The following NR2C2 variants were observed in gnomAD, a reference collection of about 807,000 sequenced individuals.
The protein encoded by NR2C2 is Nuclear hormone receptor TR4.
A neutral mutation model predicts 62.9 loss-of-function variants in NR2C2; 6 were observed. The observed-to-expected ratio is 0.10, with a 90% CI of 0.05 to 0.19. The LOEUF (loss-of-function observed/expected upper bound fraction) is 0.19, where lower values mean the gene tolerates loss of function less well. Among genes scored for constraint, NR2C2 ranks in the 10% least tolerant of loss-of-function variants. The pLI is 1.00. For missense variants in NR2C2, 479 were observed against 762.7 expected, an observed-to-expected ratio of 0.63 and a Z score of 4.38; for synonymous variants, 272 against 273.8, an observed-to-expected ratio of 0.99 and a Z score of 0.07.
chr3:14,961,319 ATACCT>A (rs1261981489), intron 1 of NR2C2, among the ~76,000 whole-genome samples: 1 of 152,242 alleles, frequency 6.6e-6, no homozygotes, highest in Non-Finnish European at 1.5e-5. Context: ...AGTGATTATA[ATACCT>A]TAGATAGGAA....
At chr3:15,033,664 TA>T (rs1553573291) in intron 10 of NR2C2, among the ~76,000 whole-genome samples, 16 of 145,346 alleles carry the variant, frequency 1.1e-4, no homozygotes, top group South Asian at 4.3e-4. Context: ...TTTTTTTTTT[TA>T]AATAACACCA....
At chr3:15,022,813 C>T (rs1025149069) in intron 5 of NR2C2, among the ~76,000 whole-genome samples, 1 of 152,082 alleles carries the variant, frequency 6.6e-6, no homozygotes, top group African/African-American at 2.4e-5. Flanking sequence ...TTTGCTTGAG[C>T]CCAGGATGAG....
chr3:14,973,829 T>C (rs966675742), intron 1 of NR2C2, among the ~76,000 whole-genome samples: 1 of 152,190 alleles, frequency 6.6e-6, no homozygotes, highest in Non-Finnish European at 1.5e-5. Flanking sequence ...CTTAACCGTT[T>C]TTAAGTACGG....
intron 1 of NR2C2, among the ~76,000 whole-genome samples, chr3:14,974,059 A>G (rs1197549354): frequency 6.6e-6 from 1 of 152,188 alleles, no homozygotes; most frequent in Non-Finnish European, 1.5e-5. Context: ...TCATCTTGCT[A>G]AAACTGAAAC....
rs1281329706 is a variant in NR2C2, at chr3:15,039,146, G to A, written c.1535G>A (p.Ser512Asn). 6.2e-7 allele frequency: 1 copy of A among 1,613,860 alleles called. No homozygotes were observed. Among genetic ancestry groups the A allele is most frequent in the Non-Finnish European group, 8.5e-7 (1 of 1,179,948 alleles). The change falls in exon 13 of 14, where the codon AGC (serine) becomes AAC (asparagine). Residue 512 changes from serine to asparagine, a missense_variant. This residue lies in a region of NR2C2 where 162 missense variants were observed against 296.8 expected (regional missense o/e 0.55). Coordinates refer to ENST00000425241, the MANE Select transcript of NR2C2 (RefSeq NM_001291694.2). Reference sequence around the variant, plus strand: ...GATCATCCAGGTTTGACCAGCACAAGCCAGATTGAAAAATTCCAAGAAAAG... The same window carrying A: ...GATCATCCAGGTTTGACCAGCACAAACCAGATTGAAAAATTCCAAGAAAAG... ...SPDHPGLTST[S>N]QIEKFQEKAQ...
rs1028595882 is a variant in NR2C2 at position 15,048,437 on chromosome 3, G to A, written c.*5429G>A. 12 of 152,536 alleles carry A rather than the reference G, an allele frequency of 7.9e-5. No individual in the cohort carries two copies. The highest frequency in any genetic ancestry group is 2.6e-4 in the Admixed American group (4 of 15,274). 9.4% of individuals were successfully genotyped at this position (152,536 alleles called of 1,614,324 possible). On this transcript the variant is annotated 3_prime_UTR_variant, in exon 14 of 14. Transcript: ENST00000425241. ...GTGAGCTTAAGAAAAGTATCTTTGC[G>A]GGGAGAAAAATGTCAGATATTTTTA... is the stretch of plus-strand genomic sequence containing the variant.
chr3:15,024,571 C>T lies in NR2C2; in HGVS notation c.798+363C>T, dbSNP rs983002435. Among the ~76,000 whole-genome samples, 33 of 152,268 alleles carry T rather than the reference C, an allele frequency of 2.2e-4. 4 individuals are homozygous for T. The highest frequency in any genetic ancestry group is 2.1e-3 in the South Asian group (10 of 4,828). ...GCCTTTTTGCAAAAGCCCCGGGTTC[C>T]TTTTTATTAGATGATCTTCAGGAGG... On this transcript the variant is annotated intron_variant, in intron 7 of 13. Coordinates refer to ENST00000425241, the MANE Select transcript of NR2C2 (RefSeq NM_001291694.2).
At chr3:15,012,544 T>TCTGTCAAGAG (rs5846856) in intron 2 of NR2C2, among the ~76,000 whole-genome samples, 45,768 of 151,788 alleles carry the variant, frequency 0.3, 7,470 homozygotes, top group African/African-American at 0.4. Context: ...ATTTCAAAAG[T>TCTGTCAAGAG]GTGGTACAGA....
chr3:15,007,588 G>A (rs568127368), intron 2 of NR2C2, among the ~76,000 whole-genome samples: 1 of 152,278 alleles, frequency 6.6e-6, no homozygotes, highest in East Asian at 1.9e-4. Flanking sequence ...TTTCATGAGG[G>A]CAGGAGCCAT....
At chr3:14,948,571 A>G (rs1295780055) in intron 1 of NR2C2, 25 of 53,290 alleles carry the variant, frequency 4.7e-4, no homozygotes, top group African/African-American at 1.9e-3. Flanking sequence ...GCCGGGGCGA[A>G]GAGTGGGGCC....
chr3:15,004,861 C>T (rs1424175199), intron 2 of NR2C2, among the ~76,000 whole-genome samples: 4 of 152,114 alleles, frequency 2.6e-5, no homozygotes, highest in South Asian at 2.1e-4. Context: ...GCCAAAAGGT[C>T]GAGAAGCGAT....
rs957131618 is a variant in NR2C2, at chr3:15,044,023, G to A, written c.*1015G>A. 2.6e-5 allele frequency: 4 copies of A among 152,202 alleles called. No homozygotes were observed. The highest frequency in any genetic ancestry group is 6.5e-5 in the Admixed American group (1 of 15,280). 9.4% of individuals were successfully genotyped at this position (152,202 alleles called of 1,614,324 possible). ...CTTGTGTGTTTGTCCAGATGGAGGA[G>A]TGTGGCCTTGGAGTGTGAGCGTTAC... On this transcript the variant is annotated 3_prime_UTR_variant, in exon 14 of 14. Transcript: ENST00000425241.
At chr3:15,016,304 A>G in intron 4 of NR2C2, 50 bp downstream of exon 4, 1 of 1,354,146 alleles carries the variant, frequency 7.4e-7, no homozygotes, top group South Asian at 1.2e-5. Context: ...AACAGCATGA[A>G]GTAACTGTTG....
At chr3:15,001,318 G>GTTTTTTTTTTTTTTTTTTTGGT (rs2040990145) in intron 1 of NR2C2, among the ~76,000 whole-genome samples, 1 of 97,480 alleles carries the variant, frequency 1.0e-5, no homozygotes, top group African/African-American at 3.8e-5. Context: ...TTTGTTTTGG[G>GTTTTTTTTTTTTTTTTTTTGGT]TTTTTTTTTT....
chr3:15,028,840 C>A (rs1157835373), intron 8 of NR2C2, 121 bp downstream of exon 8: 5 of 1,069,094 alleles, frequency 4.7e-6, no homozygotes, highest in South Asian at 1.7e-5. Context: ...AAAATTGTTA[C>A]AATGACCCTG....
chr3:15,044,709 G>C lies in NR2C2; in HGVS notation c.*1701G>C, dbSNP rs1323404527. On this transcript the variant is annotated 3_prime_UTR_variant, in exon 14 of 14. Transcript: ENST00000425241. ...CCCTGACTCACAGGTGCTCTGATCTGGCTCAGGCTGGCGCCACATGTGCTC... is the reference window on the plus strand; with the variant it reads ...CCCTGACTCACAGGTGCTCTGATCTCGCTCAGGCTGGCGCCACATGTGCTC... 1 of 152,262 alleles carries C rather than the reference G, an allele frequency of 6.6e-6. No homozygotes were observed. The highest frequency in any genetic ancestry group is 1.5e-5 in the Non-Finnish European group (1 of 68,058). 9.4% of individuals were successfully genotyped at this position (152,262 alleles called of 1,614,324 possible). A position where few individuals can be genotyped will look rare whatever the true frequency, so the allele number is the denominator to read the frequency against.
rs1053242067 is a variant in NR2C2, at chr3:14,995,008, TCTC to T, written c.-39-8867_-39-8865del. Among the ~76,000 whole-genome samples, 3 of 142,448 alleles carry T rather than the reference TCTC, an allele frequency of 2.1e-5. 1 individual carries two copies. Among genetic ancestry groups the T allele is most frequent in the South Asian group, 4.6e-4 (2 of 4,390 alleles). The allele number at this position is 142,448 out of a possible 152,430, so 93.5% of individuals were successfully genotyped here. On this transcript the variant is annotated intron_variant, in intron 1 of 13. Transcript: ENST00000425241. Reference sequence around the variant, plus strand: ...TTTTTTTTTTTTTTTTGAGATAAGTTCTCATTCTGTCACCCAGGCTGGAGTGAA... The same window carrying T: ...TTTTTTTTTTTTTTTTGAGATAAGTTATTCTGTCACCCAGGCTGGAGTGAA...
intron 1 of NR2C2, among the ~76,000 whole-genome samples, chr3:14,967,138 T>C (rs1020531393): frequency 1.3e-5 from 2 of 152,186 alleles, no homozygotes; most frequent in African/African-American, 4.8e-5. Flanking sequence ...TCTAATTTGT[T>C]GGTGTACAGT....
intron 8 of NR2C2, among the ~76,000 whole-genome samples, chr3:15,029,838 TAG>T (rs1271676987): frequency 8.4e-6 from 1 of 119,614 alleles, no homozygotes; most frequent in Admixed American, 8.2e-5. Flanking sequence ...GATAGATAGA[TAG>T]ATATAGATAG....
Sources: gnomAD v4.1 joint callset for allele counts (sites outside exome capture counted in the v4.1 genomes callset) on GRCh38, gnomAD v4.1.1 for gene constraint, gnomAD v4.1.1 regional missense constraint, MANE v1.5 for transcripts, NCBI Gene and HGNC (gene_info 2026-07-23, HGNC 2026-07-21) for gene names.